Variants in ALCAM observed in about 807,000 individuals in gnomAD.
ALCAM encodes the protein activated leukocyte cell adhesion molecule.
In ALCAM, 30 loss-of-function variants were observed where a neutral mutation model predicts 70.9. That is an observed-to-expected ratio of 0.42 (90% CI 0.32 to 0.57). The LOEUF (loss-of-function observed/expected upper bound fraction) is 0.57. ALCAM is among the 20% of genes least tolerant of loss of function. The pLI, the probability that ALCAM is intolerant of heterozygous loss-of-function variation, is 0.11. For missense variants in ALCAM, 591 were observed against 695.1 expected, an observed-to-expected ratio of 0.85 and a Z score of 1.68; for synonymous variants, 249 against 242.5, an observed-to-expected ratio of 1.03 and a Z score of -0.25.
intron 1 of ALCAM, among the ~76,000 whole-genome samples, chr3:105,481,312 C>G (rs7632648): frequency 0.013 from 1,996 of 152,072 alleles, 35 homozygotes; most frequent in African/African-American, 0.044. Flanking sequence ...ACTTTTAAAT[C>G]TTACTCACTG....
At chr3:105,561,284 T>C (rs898352931) in intron 14 of ALCAM, among the ~76,000 whole-genome samples, 3 of 152,200 alleles carry the variant, frequency 2.0e-5, no homozygotes, top group African/African-American at 7.2e-5. Context: ...TTCGTTGTTT[T>C]GTGGATTCCT....
chr3:105,456,158 C>T (rs993875957), intron 1 of ALCAM, among the ~76,000 whole-genome samples: 1 of 152,182 alleles, frequency 6.6e-6, no homozygotes, highest in African/African-American at 2.4e-5. Context: ...AACTGCTACT[C>T]TCAGCACACT....
At chr3:105,445,322 A>G (rs974625942) in intron 1 of ALCAM, among the ~76,000 whole-genome samples, 1 of 152,228 alleles carries the variant, frequency 6.6e-6, no homozygotes, top group Non-Finnish European at 1.5e-5. Flanking sequence ...TTGATAAAAA[A>G]ACTGAAGAAG....
intron 2 of ALCAM, among the ~76,000 whole-genome samples, chr3:105,522,521 C>T (rs549184183): frequency 2.4e-4 from 36 of 152,146 alleles, no homozygotes; most frequent in Admixed American, 2.0e-3. Context: ...CCTGATTTCT[C>T]CTGGATCATA....
At chr3:105,510,705 G>A (rs978436) in intron 1 of ALCAM, among the ~76,000 whole-genome samples, 19,804 of 151,984 alleles carry the variant, frequency 0.13, 1,354 homozygotes, top group Middle Eastern at 0.17. Flanking sequence ...TCGAGTTCCT[G>A]TGTAATCAGT....
chr3:105,508,288 T>A (rs547695427), intron 1 of ALCAM, among the ~76,000 whole-genome samples: 1 of 152,294 alleles, frequency 6.6e-6, no homozygotes, highest in East Asian at 1.9e-4. Flanking sequence ...ATGGAATCAT[T>A]TTTTGTATAT....
intron 1 of ALCAM, among the ~76,000 whole-genome samples, chr3:105,369,767 C>A (rs974076929): frequency 6.6e-6 from 1 of 152,058 alleles, no homozygotes; most frequent in African/African-American, 2.4e-5. Context: ...GAAACTGCTT[C>A]CCCGGGTCTT....
chr3:105,436,793 T>C lies in ALCAM; in HGVS notation c.73+69312T>C, dbSNP rs184062460. 9.2e-5 allele frequency among the ~76,000 whole-genome samples: 14 copies of C among 152,266 alleles called. No individual in the cohort carries two copies. The East Asian group carries it at 2.7e-3, about 29-fold the overall frequency. On this transcript the variant is annotated intron_variant, in intron 1 of 15. Transcript: ENST00000306107. ...AGCTGGTCAGGGTTGGAGTGGGGAA[T>C]GAAGTCAACTTTCCTGAACTGCATA...
In ALCAM at chr3:105,564,384, C is replaced by T. The variant is rs142917688; in HGVS notation, c.1665-7468C>T. Among the ~76,000 whole-genome samples the T allele has an allele frequency of 6.1e-3, 928 of 152,236 alleles. 9 individuals are homozygous for T. Among genetic ancestry groups the T allele is most frequent in the African/African-American group, 0.02 (842 of 41,554 alleles). ...TATTTTATGCTCTGCAGTCTATTATCTGTTTTAAAAATTAAAAATTATGAG... is the reference window on the plus strand; with the variant it reads ...TATTTTATGCTCTGCAGTCTATTATTTGTTTTAAAAATTAAAAATTATGAG... On this transcript the variant is annotated intron_variant, in intron 14 of 15. Coordinates refer to ENST00000306107, the MANE Select transcript of ALCAM (RefSeq NM_001627.4).
chr3:105,484,552 C>G, intron 1 of ALCAM, among the ~76,000 whole-genome samples: 1 of 152,070 alleles, frequency 6.6e-6, no homozygotes, highest in East Asian at 1.9e-4. Flanking sequence ...TTCTACACAC[C>G]TAATTGAAAA....
At chr3:105,398,823 A>C (rs556471045) in intron 1 of ALCAM, among the ~76,000 whole-genome samples, 2 of 151,892 alleles carry the variant, frequency 1.3e-5, no homozygotes, top group South Asian at 4.2e-4. Context: ...AGCACTGGAG[A>C]TTGCTTGTTG....
At chr3:105,467,055 T>C (rs1937759200) in intron 1 of ALCAM, among the ~76,000 whole-genome samples, 2 of 151,456 alleles carry the variant, frequency 1.3e-5, no homozygotes, top group Admixed American at 1.3e-4. Context: ...TTAATAGCTG[T>C]GTAACTTTGG....
intron 1 of ALCAM, among the ~76,000 whole-genome samples, chr3:105,372,012 T>C (rs187221463): frequency 4.5e-4 from 69 of 152,284 alleles, no homozygotes; most frequent in African/African-American, 1.6e-3. Flanking sequence ...TACTAAAGAA[T>C]GGTTTCTTGG....
intron 1 of ALCAM, among the ~76,000 whole-genome samples, chr3:105,420,448 T>A (rs1358411543): frequency 6.6e-6 from 1 of 151,750 alleles, no homozygotes; most frequent in Non-Finnish European, 1.5e-5. Context: ...TGTGAAGAAA[T>A]GCTGCATCTA....
chr3:105,560,747 G>C (rs1484813182), intron 14 of ALCAM, among the ~76,000 whole-genome samples: 1 of 152,070 alleles, frequency 6.6e-6, no homozygotes, highest in Non-Finnish European at 1.5e-5. Context: ...TGGGTTTGCT[G>C]TATCTATTTA....
chr3:105,459,680 C>T (rs1164703993), intron 1 of ALCAM, among the ~76,000 whole-genome samples: 2 of 152,070 alleles, frequency 1.3e-5, no homozygotes, highest in East Asian at 3.9e-4. Flanking sequence ...GTAGTAAGTA[C>T]TCAATCCATA....
chr3:105,563,667 C>CTTTTT lies in ALCAM; in HGVS notation c.1665-8158_1665-8154dup, dbSNP rs749625480. On this transcript the variant is annotated intron_variant, in intron 14 of 15. Transcript: ENST00000306107. ...GACCTGTATGAAATTCCAAGCATTT[C>CTTTTT]TTTTTTTTTTTTTTTTTTTTTTTTT... 1.6e-3 allele frequency among the ~76,000 whole-genome samples: 82 copies of CTTTTT among 52,046 alleles called. 16 individuals carry two copies. The highest frequency in any genetic ancestry group is 7.0e-3 in the African/African-American group (69 of 9,896). The allele number at this position is 52,046 out of a possible 152,430, so 34.1% of individuals were successfully genotyped here.
intron 1 of ALCAM, among the ~76,000 whole-genome samples, chr3:105,381,728 G>C (rs1935525638): frequency 6.6e-6 from 1 of 151,526 alleles, no homozygotes; most frequent in Non-Finnish European, 1.5e-5. Context: ...TGTAGACTCT[G>C]TAGATTCAGA....
At chr3:105,423,945 G>A (rs1936730816) in intron 1 of ALCAM, among the ~76,000 whole-genome samples, 1 of 151,524 alleles carries the variant, frequency 6.6e-6, no homozygotes, top group Non-Finnish European at 1.5e-5. Context: ...CATCTAACTA[G>A]TATGTTTTTA....
Sources: gnomAD v4.1 joint callset for allele counts (sites outside exome capture counted in the v4.1 genomes callset) on GRCh38, gnomAD v4.1.1 for gene constraint, MANE v1.5 for transcripts, NCBI Gene and HGNC (gene_info 2026-07-23, HGNC 2026-07-21) for gene names.